PCDHA12: variants seen among roughly 807,000 people sequenced by gnomAD.
The protein encoded by PCDHA12 is protocadherin alpha 12, also known as protocadherin alpha-12.
PCDHA12 carries 44 observed loss-of-function variants against 60.0 expected under a neutral mutation model. The ratio of observed to expected loss-of-function variants is 0.73; its 90% CI spans 0.58 to 0.94. The LOEUF (loss-of-function observed/expected upper bound fraction) is 0.94. PCDHA12 is among the 40% of genes least tolerant of loss of function. The pLI is 0.00. For missense variants in PCDHA12, 1,276 were observed against 1,239.7 expected (o/e 1.03, Z -0.44); for synonymous variants, 569 against 553.0 (o/e 1.03, Z -0.40).
In PCDHA12 at chr5:140,993,459, T is replaced by TTC. The variant is rs202191067; in HGVS notation, c.2515+10899_2515+10900dup. 1.1e-4 allele frequency among the ~76,000 whole-genome samples: 9 copies of TTC among 83,038 alleles called. No individual in the cohort carries two copies. The East Asian group carries it at 1.5e-3, about 13-fold the overall frequency. 54.5% of individuals were successfully genotyped at this position (83,038 alleles called of 152,430 possible). Reference sequence around the variant, plus strand: ...ATTCATTCCTGTTCTCCTTCTTTCTTTCTCACACACACACACACACACACA... The same window carrying TTC: ...ATTCATTCCTGTTCTCCTTCTTTCTTTCTCTCACACACACACACACACACACA... On this transcript the variant is annotated intron_variant, in intron 3 of 3. Coordinates refer to ENST00000398631, the MANE Select transcript of PCDHA12 (RefSeq NM_018903.4).
chr5:140,893,294 T>C (rs539821362), intron 1 of PCDHA12, among the ~76,000 whole-genome samples: 97 of 152,304 alleles, frequency 6.4e-4, no homozygotes, highest in African/African-American at 2.3e-3. Flanking sequence ...ATATGGTAGT[T>C]CTATTTGTAG....
At chr5:140,960,148 T>C (rs782110022) in intron 1 of PCDHA12, among the ~76,000 whole-genome samples, 16 of 152,198 alleles carry the variant, frequency 1.1e-4, no homozygotes, top group Admixed American at 4.6e-4. Context: ...ATTAATAGCT[T>C]GAGACTGATA....
rs370831122 is a variant in PCDHA12, at chr5:140,966,962, G to C, written c.2368-11987G>C. On this transcript the variant is annotated intron_variant, in intron 1 of 3. Transcript: ENST00000398631. ...CGTGGGCAACGTGGCTCGCGCGCTG[G>C]GGCTTGAGCTGCGGCGCTTGGGGCC... The C allele has an allele frequency of 1.3e-5, 21 of 1,602,632 alleles. No individual in the cohort carries two copies. Among genetic ancestry groups the C allele is most frequent in the Admixed American group, 3.3e-5 (2 of 59,750 alleles).
At chr5:140,928,121 A>C in intron 1 of PCDHA12, 1 of 1,614,194 alleles carries the variant, frequency 6.2e-7, no homozygotes, top group Non-Finnish European at 8.5e-7. Flanking sequence ...CAGATCAGTG[A>C]ATACCAAGTC....
At chr5:140,953,408 TG>T (rs782455726) in intron 1 of PCDHA12, among the ~76,000 whole-genome samples, 5 of 152,168 alleles carry the variant, frequency 3.3e-5, no homozygotes, top group Non-Finnish European at 5.9e-5. Context: ...CTGTTGCTCC[TG>T]GCTCCTCCCC....
intron 3 of PCDHA12, among the ~76,000 whole-genome samples, chr5:140,995,850 C>T (rs924455609): frequency 3.9e-5 from 6 of 152,080 alleles, no homozygotes; most frequent in African/African-American, 1.4e-4. Context: ...ACATTTCTAT[C>T]GTATCACTTA....
intron 1 of PCDHA12, among the ~76,000 whole-genome samples, chr5:140,888,659 C>A (rs1373585694): frequency 6.6e-6 from 1 of 152,198 alleles, no homozygotes; most frequent in Non-Finnish European, 1.5e-5. Context: ...AGGACACCAC[C>A]TAATGCCCTG....
At chr5:140,996,655 A>G (rs974466773) in intron 3 of PCDHA12, among the ~76,000 whole-genome samples, 5 of 152,226 alleles carry the variant, frequency 3.3e-5, no homozygotes, top group African/African-American at 1.2e-4. Context: ...TCCTGGGTGC[A>G]GGCTAGTTTT....
chr5:140,912,860 G>T (rs1554195574), intron 1 of PCDHA12, among the ~76,000 whole-genome samples: 1 of 152,182 alleles, frequency 6.6e-6, no homozygotes, highest in South Asian at 2.1e-4. Flanking sequence ...CAATTGAAAT[G>T]ATATATGGTT....
chr5:140,996,478 A>C (rs1241472780), intron 3 of PCDHA12, among the ~76,000 whole-genome samples: 1 of 152,214 alleles, frequency 6.6e-6, no homozygotes, highest in East Asian at 1.9e-4. Flanking sequence ...AGTAGTGCTC[A>C]GGCCTGGGCA....
At chr5:140,967,010 C>A (rs781936791) in intron 1 of PCDHA12, 2 of 1,606,340 alleles carry the variant, frequency 1.2e-6, no homozygotes, top group Admixed American at 3.3e-5. Context: ...CATCAACCAT[C>A]TGGGTGCGCC....
chr5:140,876,573 C>G lies in PCDHA12; in HGVS notation c.1101C>G (p.Thr367=). 1.9e-6 allele frequency: 3 copies of G among 1,614,152 alleles called. No homozygotes were observed. The highest frequency in any genetic ancestry group is 1.3e-5 in the African/African-American group (1 of 75,026). ...TGCAAGAGGATGCTCAGGTGGGTAC[C>G]GTCATTGCCCTGATTAGCGTGTCGG... The part of the protein sequence containing the change: ...LPVQEDAQVG[T]VIALISVSDR... Residue 367 remains threonine, a synonymous_variant, in exon 1 of 4, where the codon ACC becomes ACG. Transcript: ENST00000398631.
intron 1 of PCDHA12, among the ~76,000 whole-genome samples, chr5:140,893,868 AGATC>A (rs1369386852): frequency 1.3e-5 from 2 of 152,168 alleles, no homozygotes; most frequent in Non-Finnish European, 2.9e-5. Context: ...GAAACAACCC[AGATC>A]CAAAGTGGCC....
intron 1 of PCDHA12, 34 bp from the exon 2 acceptor site, chr5:140,978,915 A>G: frequency 6.2e-7 from 1 of 1,613,970 alleles, no homozygotes; most frequent in Non-Finnish European, 8.5e-7. Context: ...TTGTCTTGTC[A>G]TTTTAACAGA....
intron 1 of PCDHA12, among the ~76,000 whole-genome samples, chr5:140,915,680 A>G (rs2077249777): frequency 6.6e-6 from 1 of 150,862 alleles, no homozygotes; most frequent in South Asian, 2.1e-4. Context: ...ATCTTGAACT[A>G]GGGGTATGGT....
chr5:141,008,597 C>T (rs1485271666), intron 3 of PCDHA12, among the ~76,000 whole-genome samples: 1 of 152,224 alleles, frequency 6.6e-6, no homozygotes, highest in East Asian at 1.9e-4. Flanking sequence ...GATTTCACCT[C>T]CTCTGGAACC....
chr5:140,961,887 G>GTT (rs35680913), intron 1 of PCDHA12, among the ~76,000 whole-genome samples: 78 of 143,932 alleles, frequency 5.4e-4, no homozygotes, highest in African/African-American at 1.2e-3. Flanking sequence ...ACTTACATCA[G>GTT]TTTTTTTTTT....
At chr5:140,882,989 G>C (rs567590369) in intron 1 of PCDHA12, 2 of 1,614,130 alleles carry the variant, frequency 1.2e-6, no homozygotes, top group Non-Finnish European at 8.5e-7. Context: ...CAACGCCCCG[G>C]AATTTTACCA....
At chr5:141,004,445 T>C (rs2098166676) in intron 3 of PCDHA12, among the ~76,000 whole-genome samples, 1 of 152,206 alleles carries the variant, frequency 6.6e-6, no homozygotes. Flanking sequence ...CTGAGTCATA[T>C]AGAACCAGGA....
Sources: allele counts gnomAD v4.1 joint callset (sites outside exome capture counted in the v4.1 genomes callset), GRCh38; gene constraint gnomAD v4.1.1; transcripts MANE v1.5; gene names NCBI Gene and HGNC (gene_info 2026-07-23, HGNC 2026-07-21).